Variants in RANBP9 observed in about 807,000 individuals in gnomAD.
The protein encoded by RANBP9 is RAN binding protein 9, also known as ran-binding protein 9.
Under a neutral mutation model 84.3 loss-of-function variants are expected in RANBP9, and 15 were observed. That is an observed-to-expected ratio of 0.18 (90% CI 0.12 to 0.27). The LOEUF is 0.27. Among genes scored for constraint, RANBP9 ranks in the 10% least tolerant of loss-of-function variants. The pLI is 1.00. For synonymous variants in RANBP9, 392 were observed against 349.6 expected (o/e 1.12, Z -1.35); for missense variants, 809 against 912.8 (o/e 0.89, Z 1.46).
At chr6:13,647,689 C>T (rs991396214) in intron 5 of RANBP9, among the ~76,000 whole-genome samples, 2 of 152,010 alleles carry the variant, frequency 1.3e-5, no homozygotes, top group Non-Finnish European at 2.9e-5. Flanking sequence ...CTCTTTTGTA[C>T]ATTTCTGTAT....
Position 13,657,291 on chromosome 6 carries a change from C to A in RANBP9, c.737-15G>T. ...CTTATCCCAACCTAAGGAGAAAGTT[C>A]CGGCATATTTACAATGAAAAGTAAG... On this transcript the variant is annotated splice_polypyrimidine_tract_variant and intron_variant, in intron 3 of 13. Coordinates refer to ENST00000011619, the MANE Select transcript of RANBP9 (RefSeq NM_005493.3). The A allele has an allele frequency of 1.2e-6, 2 of 1,602,260 alleles. No homozygotes were observed. Among genetic ancestry groups the A allele is most frequent in the Non-Finnish European group, 1.7e-6 (2 of 1,172,618 alleles).
At position 13,644,632 on chromosome 6, in the gene RANBP9, A is replaced by G. The variant is rs779091063; in HGVS notation, c.1025T>C (p.Met342Thr). 6.2e-7 allele frequency: 1 copy of G among 1,613,702 alleles called. No individual in the cohort carries two copies. The highest frequency in any genetic ancestry group is 2.2e-5 in the East Asian group (1 of 44,804). Residue 342 changes from methionine (M) to threonine (T), a missense_variant, in exon 6 of 14, where the codon ATG becomes ACG. By Grantham distance (81) the Met-to-Thr change is moderately conservative. This residue lies in a region of RANBP9 where 216 missense variants were observed against 329.0 expected (regional missense o/e 0.66). Coordinates refer to ENST00000011619, the MANE Select transcript of RANBP9 (RefSeq NM_005493.3). ...CTGGATTTTGGTTCTCCACTCCCGCATATAGTCTTCTATATCAAACACGAA... is the reference window on the plus strand; with the variant it reads ...CTGGATTTTGGTTCTCCACTCCCGCGTATAGTCTTCTATATCAAACACGAA... ...HPFVFDIEDY[M>T]REWRTKIQAQ... is the part of the protein sequence containing the mutation.
At chr6:13,659,240 CCCCACACACACACACATA>C (rs1256511480) in intron 2 of RANBP9, among the ~76,000 whole-genome samples, 11 of 109,970 alleles carry the variant, frequency 1.0e-4, no homozygotes, top group Non-Finnish European at 2.0e-4. Flanking sequence ...CAAATTTAGA[CCCCACACACACACACATA>C]CACACACACA....
At chr6:13,628,789 A>G (rs978434399) in intron 12 of RANBP9, among the ~76,000 whole-genome samples, 8 of 152,256 alleles carry the variant, frequency 5.3e-5, no homozygotes, top group African/African-American at 1.9e-4. Flanking sequence ...GCAAATAAGC[A>G]ATTTTAAGAT....
intron 2 of RANBP9, among the ~76,000 whole-genome samples, chr6:13,686,720 G>A (rs777269152): frequency 1.2e-4 from 18 of 152,144 alleles, no homozygotes; most frequent in Non-Finnish European, 2.4e-4. Flanking sequence ...TATCAAATTG[G>A]CAGTGTATTA....
At chr6:13,664,067 C>G (rs1180483717) in intron 2 of RANBP9, among the ~76,000 whole-genome samples, 1 of 151,928 alleles carries the variant, frequency 6.6e-6, no homozygotes, top group African/African-American at 2.4e-5. Context: ...GCATAAAAAT[C>G]AAAAAGAAAT....
chr6:13,705,094 G>A (rs1388306353), intron 1 of RANBP9, among the ~76,000 whole-genome samples: 1 of 152,056 alleles, frequency 6.6e-6, no homozygotes, highest in Non-Finnish European at 1.5e-5. Flanking sequence ...CATATAAATT[G>A]TCTAGTCTAG....
rs116372018 is a variant in RANBP9, at chr6:13,689,913, C to A, written c.683+6872G>T. Among the ~76,000 whole-genome samples the A allele has an allele frequency of 6.8e-4, 104 of 152,288 alleles. 1 individual carries two copies. Among genetic ancestry groups the A allele is most frequent in the African/African-American group, 2.2e-3 (93 of 41,538 alleles). ...CTTGTCCCACCATATCTTCCAAACA[C>A]CATATACCAACAGTTTGGTCAACAA... On this transcript the variant is annotated intron_variant, in intron 2 of 13. Coordinates refer to ENST00000011619, the MANE Select transcript of RANBP9 (RefSeq NM_005493.3).
intron 7 of RANBP9, among the ~76,000 whole-genome samples, chr6:13,641,792 T>C (rs1241288687): frequency 6.6e-6 from 1 of 152,208 alleles, no homozygotes. Context: ...ACAGAGCTTA[T>C]TAAAATAGTA....
In RANBP9 at chr6:13,696,779, A is replaced by T. The variant is rs915371910; in HGVS notation, c.683+6T>A. The T allele has an allele frequency of 6.9e-6, 11 of 1,588,964 alleles. No homozygotes were observed. The highest frequency in any genetic ancestry group is 9.5e-6 in the Non-Finnish European group (11 of 1,162,938). On this transcript the variant is annotated splice_donor_region_variant and intron_variant, in intron 2 of 13. Coordinates refer to ENST00000011619, the MANE Select transcript of RANBP9 (RefSeq NM_005493.3). ...CAAACGATTTTTCTCACCAAAATTT[A>T]CTTACCCATCTCTTCCCTTACTGAC... is the stretch of plus-strand genomic sequence containing the variant.
At chr6:13,645,169 T>C (rs1765152851) in intron 5 of RANBP9, among the ~76,000 whole-genome samples, 1 of 152,216 alleles carries the variant, frequency 6.6e-6, no homozygotes, top group Non-Finnish European at 1.5e-5. Context: ...AAGTATGATC[T>C]CAGCTAGTCT....
chr6:13,637,277 A>C (rs1764960697), intron 10 of RANBP9, among the ~76,000 whole-genome samples: 1 of 152,200 alleles, frequency 6.6e-6, no homozygotes, highest in Non-Finnish European at 1.5e-5. Flanking sequence ...TGTTTACTAA[A>C]TGACTTAACC....
At chr6:13,648,461 G>A (rs2127767494) in intron 5 of RANBP9, among the ~76,000 whole-genome samples, 1 of 152,124 alleles carries the variant, frequency 6.6e-6, no homozygotes, top group Admixed American at 6.5e-5. Flanking sequence ...TATTTAGCAT[G>A]TTTTCAAGGT....
In RANBP9 at chr6:13,637,891, A is replaced by G. The variant is rs776377320; in HGVS notation, c.1590T>C (p.Asn530=). The change falls in exon 10 of 14, where the codon AAT becomes AAC. Residue 530 remains asparagine (N), a synonymous_variant. Transcript: ENST00000011619. ...NKAHQSYCHS[N]KHQSSNLNVP... ...CATTCAAGTTGGATGACTGGTGTTT[A>G]TTACTATGGCAATATGATTGATGTG... is the stretch of plus-strand genomic sequence containing the variant. The G allele has an allele frequency of 2.5e-6, 4 of 1,607,994 alleles. No homozygotes were observed. The highest frequency in any genetic ancestry group is 3.4e-6 in the Non-Finnish European group (4 of 1,175,556).
intron 9 of RANBP9, among the ~76,000 whole-genome samples, 189 bp downstream of exon 9, chr6:13,639,373 TA>T (rs556898565): frequency 1.2e-3 from 181 of 152,154 alleles, no homozygotes; most frequent in African/African-American, 4.2e-3. Flanking sequence ...GAGATGGGGT[TA>T]TCACCATGTT....
intron 2 of RANBP9, among the ~76,000 whole-genome samples, chr6:13,669,770 T>A (rs1183549120): frequency 1.3e-5 from 2 of 152,122 alleles, no homozygotes; most frequent in Admixed American, 6.5e-5. Context: ...TTTTCGCATT[T>A]TTTGTACAGA....
intron 2 of RANBP9, among the ~76,000 whole-genome samples, chr6:13,659,374 T>C (rs1765490430): frequency 6.6e-6 from 1 of 152,082 alleles, no homozygotes; most frequent in Non-Finnish European, 1.5e-5. Flanking sequence ...AGGTATGTAT[T>C]TTCTATACTA....
intron 2 of RANBP9, among the ~76,000 whole-genome samples, chr6:13,663,220 C>T (rs1228804787): frequency 6.6e-6 from 1 of 151,980 alleles, no homozygotes; most frequent in Non-Finnish European, 1.5e-5. Flanking sequence ...AGTTGAATTT[C>T]CACTGACTTA....
At chr6:13,656,411 A>C (rs1049307321) in intron 4 of RANBP9, among the ~76,000 whole-genome samples, 1 of 152,150 alleles carries the variant, frequency 6.6e-6, no homozygotes, top group Non-Finnish European at 1.5e-5. Context: ...TAAAAAAAAA[A>C]ACTTCTAAGA....
Sources: allele counts gnomAD v4.1 joint callset (sites outside exome capture counted in the v4.1 genomes callset), GRCh38; gene constraint gnomAD v4.1.1; regional missense constraint gnomAD v4.1.1; transcripts MANE v1.5; gene names NCBI Gene and HGNC (gene_info 2026-07-23, HGNC 2026-07-21).